Variants in RASA1 observed in about 807,000 individuals in gnomAD.
The protein encoded by RASA1 is RAS p21 protein activator 1.
In RASA1, 25 loss-of-function variants were observed where a neutral mutation model predicts 132.2. That is an observed-to-expected ratio of 0.19 (90% confidence interval 0.14 to 0.26). The LOEUF (loss-of-function observed/expected upper bound fraction) is 0.26, where lower values mean the gene tolerates loss of function less well. Among genes scored for constraint, RASA1 ranks in the 10% least tolerant of loss-of-function variants. RASA1 has a pLI of 1.00. For missense variants in RASA1, 964 were observed against 1,299.2 expected, an observed-to-expected ratio of 0.74 and a Z score of 3.97; for synonymous variants, 477 against 449.9, an observed-to-expected ratio of 1.06 and a Z score of -0.76.
At chr5:87,323,740 T>C (rs549397847) in intron 1 of RASA1, among the ~76,000 whole-genome samples, 6 of 152,292 alleles carry the variant, frequency 3.9e-5, no homozygotes, top group African/African-American at 1.4e-4. Flanking sequence ...CCTGTGCTTT[T>C]TCCCACTGCC....
Position 87,374,460 on chromosome 5 carries a change from T to TA in RASA1, c.1934+140_1934+141insA, listed in dbSNP as rs375254139. ...CTAATAGCATATATATATATATATA[T>TA]TTTTTTTTTTTTTTTCTGTTGTTTG... On this transcript the variant is annotated intron_variant, in intron 14 of 24. Transcript: ENST00000274376. 0.082 allele frequency: 10,079 copies of TA among 122,712 alleles called. 305 individuals are homozygous for TA. The highest frequency in any genetic ancestry group is 0.27 in the East Asian group (1,454 of 5,446). 7.6% of individuals were successfully genotyped at this position (122,712 alleles called of 1,614,324 possible). A position where few individuals can be genotyped will look rare whatever the true frequency, so the allele number is the denominator to read the frequency against.
At chr5:87,345,639 C>T (rs1001121838) in intron 6 of RASA1, among the ~76,000 whole-genome samples, 1 of 152,120 alleles carries the variant, frequency 6.6e-6, no homozygotes, top group African/African-American at 2.4e-5. Context: ...TTTACCTTTT[C>T]ATTCATGTGA....
rs933384824 is a variant in RASA1 at position 87,383,622 on chromosome 5, C to T, written c.2691-91C>T. 1.3e-5 allele frequency: 13 copies of T among 977,182 alleles called. No homozygotes were observed. The Admixed American group carries it at 1.6e-4, about 12-fold the overall frequency. 60.5% of individuals were successfully genotyped at this position (977,182 alleles called of 1,614,324 possible). On this transcript the variant is annotated intron_variant, in intron 20 of 24. Coordinates refer to ENST00000274376, the MANE Select transcript of RASA1 (RefSeq NM_002890.3). Reference sequence around the variant, plus strand: ...GTGAATTTTATGGGTTCTATGAGTACTAAAAATTCTGTTTATATATATTGT... The same window carrying T: ...GTGAATTTTATGGGTTCTATGAGTATTAAAAATTCTGTTTATATATATTGT...
intron 8 of RASA1, among the ~76,000 whole-genome samples, chr5:87,350,045 G>A (rs928712397): frequency 6.6e-6 from 1 of 151,764 alleles, no homozygotes; most frequent in African/African-American, 2.4e-5. Flanking sequence ...GTTCTAAAAT[G>A]CTTATATTTG....
Position 87,369,875 on chromosome 5 carries a change from C to A in RASA1, c.1673C>A (p.Ala558Glu), listed in dbSNP as rs772920968. 1.1e-5 allele frequency: 17 copies of A among 1,610,818 alleles called. 1 individual carries two copies. The highest frequency in any genetic ancestry group is 9.3e-6 in the Non-Finnish European group (11 of 1,177,716). The stretch of plus-strand genomic sequence containing the variant: ...GAAGAACATTACATCTTTTACTTTG[C>A]AGGAGAAACTCCAGAACAAGCAGAG... ...FSEEHYIFYF[A>E]GETPEQAEDW... Residue 558 changes from alanine to glutamate, a missense_variant, in exon 12 of 25, where the codon GCA (alanine) becomes GAA (glutamate). Transcript: ENST00000274376.
intron 11 of RASA1, among the ~76,000 whole-genome samples, chr5:87,365,297 ACTGTT>A (rs1436247053): frequency 6.6e-6 from 1 of 152,144 alleles, no homozygotes; most frequent in Non-Finnish European, 1.5e-5. Flanking sequence ...CCCTGTATAA[ACTGTT>A]CTAATTCATT....
chr5:87,279,154 G>C (rs1459603017), intron 1 of RASA1, among the ~76,000 whole-genome samples: 1 of 152,044 alleles, frequency 6.6e-6, no homozygotes, highest in Non-Finnish European at 1.5e-5. Flanking sequence ...GAGGTGGGAG[G>C]ATCACCTGAG....
intron 1 of RASA1, among the ~76,000 whole-genome samples, chr5:87,290,657 C>T (rs1016096639): frequency 1.3e-5 from 2 of 152,154 alleles, no homozygotes; most frequent in African/African-American, 2.4e-5. Flanking sequence ...TCTTCCTTCC[C>T]CCTTAGCCCC....
At chr5:87,359,054 A>G (rs1343041849) in intron 9 of RASA1, among the ~76,000 whole-genome samples, 2 of 152,088 alleles carry the variant, frequency 1.3e-5, no homozygotes, top group African/African-American at 4.8e-5. Context: ...TTTATTTTTA[A>G]TCTTTCCCTG....
At chr5:87,323,366 G>A (rs1359148208) in intron 1 of RASA1, among the ~76,000 whole-genome samples, 7 of 152,140 alleles carry the variant, frequency 4.6e-5, no homozygotes, top group African/African-American at 1.7e-4. Flanking sequence ...TGGGATATAA[G>A]CCTATGTATA....
intron 1 of RASA1, among the ~76,000 whole-genome samples, chr5:87,309,083 T>C (rs938089535): frequency 3.9e-5 from 6 of 152,178 alleles, no homozygotes; most frequent in African/African-American, 1.4e-4. Context: ...TGCCACTGGC[T>C]CTCAGTTTCC....
chr5:87,374,818 C>T (rs769684434), intron 14 of RASA1, 22 bp from the exon 15 acceptor site: 1 of 1,604,640 alleles, frequency 6.2e-7, no homozygotes. Context: ...TTTGTTAATT[C>T]TTTTTCTCCT....
chr5:87,362,363 G>A (rs1380050402), intron 9 of RASA1, among the ~76,000 whole-genome samples, 188 bp from the exon 10 acceptor site: 13 of 152,034 alleles, frequency 8.6e-5, no homozygotes, highest in Admixed American at 6.6e-5. Flanking sequence ...CTTTGTTGTC[G>A]GTGTTCTTCG....
intron 1 of RASA1, among the ~76,000 whole-genome samples, chr5:87,273,991 C>T (rs1044771868): frequency 4.6e-5 from 7 of 152,176 alleles, no homozygotes; most frequent in Non-Finnish European, 7.3e-5. Context: ...AGCCACCTCG[C>T]GGCCAATAGG....
intron 1 of RASA1, among the ~76,000 whole-genome samples, chr5:87,300,275 G>A (rs1021161483): frequency 1.3e-5 from 2 of 152,146 alleles, no homozygotes; most frequent in African/African-American, 4.8e-5. Context: ...TACTTGGGAG[G>A]CTGGGGTAGG....
At chr5:87,368,185 T>C (rs1032512263) in intron 11 of RASA1, among the ~76,000 whole-genome samples, 13 of 152,150 alleles carry the variant, frequency 8.5e-5, no homozygotes, top group Non-Finnish European at 2.9e-5. Flanking sequence ...TCATCCTTTT[T>C]CCTCTGTACC....
At chr5:87,352,781 G>A (rs1759368302) in intron 8 of RASA1, among the ~76,000 whole-genome samples, 1 of 151,292 alleles carries the variant, frequency 6.6e-6, no homozygotes, top group Non-Finnish European at 1.5e-5. Flanking sequence ...CTAAATAAAT[G>A]CCATGTTTCT....
chr5:87,302,967 A>T (rs1379676501), intron 1 of RASA1, among the ~76,000 whole-genome samples: 1 of 152,106 alleles, frequency 6.6e-6, no homozygotes, highest in East Asian at 1.9e-4. Flanking sequence ...TTTTAGACGT[A>T]CATATGGAAT....
chr5:87,382,568 A>G (rs1166409426), intron 20 of RASA1, among the ~76,000 whole-genome samples: 1 of 152,162 alleles, frequency 6.6e-6, no homozygotes, highest in African/African-American at 2.4e-5. Flanking sequence ...ATTCTTCTTA[A>G]AAGGAAATTA....
Sources: allele counts gnomAD v4.1 joint callset (sites outside exome capture counted in the v4.1 genomes callset), GRCh38; gene constraint gnomAD v4.1.1; transcripts MANE v1.5; gene names NCBI Gene and HGNC (gene_info 2026-07-23, HGNC 2026-07-21).